SIPA1L1: variants seen among roughly 807,000 people sequenced by gnomAD.
The protein encoded by SIPA1L1 is signal-induced proliferation-associated 1-like protein 1.
A neutral mutation model predicts 162.7 loss-of-function variants in SIPA1L1; 26 were observed. The observed-to-expected ratio is 0.16, with a 90% CI of 0.12 to 0.22. The LOEUF is 0.22. SIPA1L1 is among the 10% of genes least tolerant of loss of function. SIPA1L1 has a pLI of 1.00. For synonymous variants in SIPA1L1, 829 were observed against 837.4 expected (o/e 0.99, Z 0.17); for missense variants, 1,874 against 2,241.0 (o/e 0.84, Z 3.31).
At chr14:71,476,457 T>C (rs1327189392) in intron 2 of SIPA1L1, among the ~76,000 whole-genome samples, 1 of 152,206 alleles carries the variant, frequency 6.6e-6, no homozygotes, top group Non-Finnish European at 1.5e-5. Context: ...AAAAATATTT[T>C]ATAAGTACAC....
intron 2 of SIPA1L1, among the ~76,000 whole-genome samples, chr14:71,424,899 C>G (rs2043449556): frequency 6.6e-6 from 1 of 151,794 alleles, no homozygotes; most frequent in African/African-American, 2.4e-5. Flanking sequence ...CAGAACTTTT[C>G]TTTTTTGAGA....
chr14:71,498,298 A>G (rs531281620), intron 2 of SIPA1L1, among the ~76,000 whole-genome samples: 1 of 152,334 alleles, frequency 6.6e-6, no homozygotes, highest in Admixed American at 6.5e-5. Flanking sequence ...AGCAATGACT[A>G]TTGAGTGGTG....
rs35168172 is a variant in SIPA1L1, at chr14:71,723,863, C to A, written c.4425C>A (p.Ser1475=). The part of the protein sequence containing the change: ...GWKKPEGTIN[S]VGFMDTRKRH... ...AAAAACCCGAAGGAACCATAAACTCCGTGGGATTTATGGACACGAGAAAGT... is the reference window on the plus strand; with the variant it reads ...AAAAACCCGAAGGAACCATAAACTCAGTGGGATTTATGGACACGAGAAAGT... The change falls in exon 18 of 24, where the codon TCC becomes TCA. Residue 1475 remains serine, a synonymous_variant. Transcript: ENST00000381232. The A allele has an allele frequency of 6.2e-7, 1 of 1,614,188 alleles. No individual in the cohort carries two copies.
At chr14:71,637,550 T>C (rs1319931184) in intron 7 of SIPA1L1, among the ~76,000 whole-genome samples, 1 of 151,970 alleles carries the variant, frequency 6.6e-6, no homozygotes, top group Non-Finnish European at 1.5e-5. Context: ...GGCAACATAG[T>C]GAGACACTGT....
intron 2 of SIPA1L1, among the ~76,000 whole-genome samples, chr14:71,400,349 C>T (rs1460658056): frequency 1.3e-5 from 2 of 152,172 alleles, no homozygotes; most frequent in South Asian, 2.1e-4. Flanking sequence ...GGATTGAAGG[C>T]ATCCACATAA....
intron 2 of SIPA1L1, among the ~76,000 whole-genome samples, chr14:71,343,469 A>G (rs560764792): frequency 7.9e-5 from 12 of 152,258 alleles, no homozygotes; most frequent in African/African-American, 2.9e-4. Context: ...AATAATTTAA[A>G]TGTACCGTCT....
At chr14:71,655,331 A>G (rs1333568626) in intron 8 of SIPA1L1, among the ~76,000 whole-genome samples, 1 of 152,144 alleles carries the variant, frequency 6.6e-6, no homozygotes, top group Non-Finnish European at 1.5e-5. Flanking sequence ...GTACCATTCC[A>G]TGATGTATAT....
Position 71,485,300 on chromosome 14 carries a change from G to C in SIPA1L1, c.-464-27443G>C, listed in dbSNP as rs551138437. ...AAGGGGTCTCCAACCCCCGGACCAC[G>C]GACCAGTACCAGTCTGTGGCCTCTT... On this transcript the variant is annotated intron_variant, in intron 2 of 23. Transcript: ENST00000381232. Among the ~76,000 whole-genome samples, 28 of 152,178 alleles carry C rather than the reference G, an allele frequency of 1.8e-4. 1 individual carries two copies. Among genetic ancestry groups the C allele is most frequent in the Non-Finnish European group, 2.2e-4 (15 of 68,022 alleles).
intron 22 of SIPA1L1, among the ~76,000 whole-genome samples, chr14:71,737,535 C>CAT (rs2085411101): frequency 6.6e-6 from 1 of 152,026 alleles, no homozygotes; most frequent in African/African-American, 2.4e-5. Context: ...CCAGCCATGC[C>CAT]GTCTGTCTAG....
chr14:71,485,448 G>A (rs2048677188), intron 2 of SIPA1L1, among the ~76,000 whole-genome samples: 1 of 152,080 alleles, frequency 6.6e-6, no homozygotes, highest in Non-Finnish European at 1.5e-5. Flanking sequence ...ATCAGTGGTG[G>A]CATTAGATTC....
rs750324859 is a variant in SIPA1L1 at position 71,554,488 on chromosome 14, A to G, written c.-303+25118A>G. On this transcript the variant is annotated intron_variant, in intron 4 of 23. Coordinates refer to ENST00000381232, the MANE Select transcript of SIPA1L1 (RefSeq NM_001386936.1). Reference sequence around the variant, plus strand: ...TCTTTTTCTGTTGCTTTCAGTCTTTAGCTCCCTGTCAGTTCTGCCCCACTG... The same window carrying G: ...TCTTTTTCTGTTGCTTTCAGTCTTTGGCTCCCTGTCAGTTCTGCCCCACTG... Among the ~76,000 whole-genome samples the G allele has an allele frequency of 4.3e-4, 66 of 152,198 alleles. 1 individual carries two copies. Among genetic ancestry groups the G allele is most frequent in the Non-Finnish European group, 8.2e-4 (56 of 68,036 alleles).
chr14:71,638,588 A>G (rs2041398827), intron 7 of SIPA1L1, among the ~76,000 whole-genome samples: 1 of 152,258 alleles, frequency 6.6e-6, no homozygotes, highest in South Asian at 2.1e-4. Flanking sequence ...ATGGTAAGAG[A>G]CTGGAGAAAG....
intron 2 of SIPA1L1, among the ~76,000 whole-genome samples, chr14:71,440,901 G>C (rs1484576220): frequency 6.6e-6 from 1 of 152,056 alleles, no homozygotes; most frequent in East Asian, 1.9e-4. Context: ...AGGTGAAGGT[G>C]CGTGATACCT....
intron 2 of SIPA1L1, among the ~76,000 whole-genome samples, chr14:71,479,205 G>T (rs888157153): frequency 6.6e-6 from 1 of 152,070 alleles, no homozygotes; most frequent in African/African-American, 2.4e-5. Context: ...TTACTTTTCA[G>T]ACCCCTCAAA....
At chr14:71,701,383 ATT>A (rs376868927) in intron 14 of SIPA1L1, among the ~76,000 whole-genome samples, 12 of 141,100 alleles carry the variant, frequency 8.5e-5, no homozygotes, top group Admixed American at 1.4e-4. Context: ...CACCAGGCTA[ATT>A]TTTTTTTTTT....
intron 4 of SIPA1L1, among the ~76,000 whole-genome samples, chr14:71,572,629 G>A (rs2032293817): frequency 6.6e-6 from 1 of 152,212 alleles, no homozygotes; most frequent in Non-Finnish European, 1.5e-5. Flanking sequence ...CTAGATTGGG[G>A]CATGAGAAGA....
chr14:71,385,551 A>T (rs1159823374), intron 2 of SIPA1L1, among the ~76,000 whole-genome samples: 3 of 152,162 alleles, frequency 2.0e-5, no homozygotes, highest in Non-Finnish European at 4.4e-5. Context: ...TTCTAGTTGC[A>T]TTAAGACAAA....
intron 5 of SIPA1L1, among the ~76,000 whole-genome samples, chr14:71,599,371 A>C (rs1424706182): frequency 6.6e-6 from 1 of 151,520 alleles, no homozygotes; most frequent in Non-Finnish European, 1.5e-5. Context: ...GCTGGTCTCA[A>C]CATGATCCAA....
intron 16 of SIPA1L1, among the ~76,000 whole-genome samples, chr14:71,707,575 T>G (rs2082541735): frequency 6.6e-6 from 1 of 152,258 alleles, no homozygotes; most frequent in Admixed American, 6.5e-5. Flanking sequence ...CTTTTGAGCC[T>G]GGCTTCTCTC....
Sources: allele counts gnomAD v4.1 joint callset (sites outside exome capture counted in the v4.1 genomes callset), GRCh38; gene constraint gnomAD v4.1.1; transcripts MANE v1.5; gene names NCBI Gene and HGNC (gene_info 2026-07-23, HGNC 2026-07-21).